The following TBC1D1 variants were observed in gnomAD, a reference collection of about 807,000 sequenced individuals.
The protein encoded by TBC1D1 is TBC1 (tre-2/USP6, BUB2, cdc16) domain family, member 1.
A neutral mutation model predicts 125.6 loss-of-function variants in TBC1D1; 89 were observed. The ratio of observed to expected loss-of-function variants is 0.71; its 90% CI spans 0.60 to 0.85. TBC1D1 has a LOEUF of 0.85. Among genes scored for constraint, TBC1D1 ranks in the 40% least tolerant of loss-of-function variants. The pLI is 0.00. For synonymous variants in TBC1D1, 565 were observed against 564.1 expected (o/e 1.00, Z -0.02); for missense variants, 1,377 against 1,469.2 (o/e 0.94, Z 1.03).
At chr4:38,012,240 T>C (rs1051651796) in intron 2 of TBC1D1, among the ~76,000 whole-genome samples, 1 of 152,192 alleles carries the variant, frequency 6.6e-6, no homozygotes, top group African/African-American at 2.4e-5. Context: ...ACCAGGAAAA[T>C]CTTATAAACT....
At chr4:38,090,421 T>A (rs572568055) in intron 13 of TBC1D1, among the ~76,000 whole-genome samples, 41 of 151,234 alleles carry the variant, frequency 2.7e-4, no homozygotes, top group Non-Finnish European at 5.6e-4. Flanking sequence ...TTTCATTTTG[T>A]TTTGTTTTCC....
At chr4:38,088,157 A>T (rs950807486) in intron 12 of TBC1D1, among the ~76,000 whole-genome samples, 11 of 151,302 alleles carry the variant, frequency 7.3e-5, no homozygotes, top group African/African-American at 1.2e-4. Context: ...GTAAAAGAAT[A>T]AAAAAAAAGA....
rs114002007 is a variant in TBC1D1, at chr4:38,000,117, A to G, written c.418-14392A>G. Among the ~76,000 whole-genome samples the G allele has an allele frequency of 4.3e-3, 657 of 152,202 alleles. 9 individuals carry two copies. Among genetic ancestry groups the G allele is most frequent in the African/African-American group, 0.015 (619 of 41,522 alleles). ...GTCTGGCGAGGCTTTCTCATTTTCA[A>G]GTGGATTTGTTTGCATTGGATGGTG... On this transcript the variant is annotated intron_variant, in intron 2 of 19. Transcript: ENST00000261439.
intron 2 of TBC1D1, among the ~76,000 whole-genome samples, chr4:37,991,187 C>T (rs1168076829): frequency 6.6e-6 from 1 of 152,186 alleles, no homozygotes; most frequent in Non-Finnish European, 1.5e-5. Context: ...TGTAGTAAAT[C>T]CCACTTTACA....
At chr4:37,917,937 A>T (rs1248318241) in intron 2 of TBC1D1, among the ~76,000 whole-genome samples, 1 of 152,208 alleles carries the variant, frequency 6.6e-6, no homozygotes, top group Non-Finnish European at 1.5e-5. Context: ...CTCAAAAAAA[A>T]TAGACGAAGC....
chr4:37,968,578 C>T (rs948424931), intron 2 of TBC1D1, among the ~76,000 whole-genome samples: 4 of 152,226 alleles, frequency 2.6e-5, no homozygotes, highest in African/African-American at 9.6e-5. Flanking sequence ...TTATAAGGTA[C>T]TCCTCAATAA....
chr4:37,959,064 GGTTAA>G (rs1413070134), intron 2 of TBC1D1, among the ~76,000 whole-genome samples: 2 of 152,148 alleles, frequency 1.3e-5, no homozygotes, highest in Non-Finnish European at 1.5e-5. Flanking sequence ...AGCTGTGTCA[GGTTAA>G]GAGCAAGACT....
At position 38,049,736 on chromosome 4, in the gene TBC1D1, C is replaced by G. The variant is rs760844116; in HGVS notation, c.1748C>G (p.Pro583Arg). ...AGTCATCTCCCAGAAGAGCCAGCTCCGCTGTCGCCCCAGCAGGCCTTCAGG... is the reference window on the plus strand; with the variant it reads ...AGTCATCTCCCAGAAGAGCCAGCTCGGCTGTCGCCCCAGCAGGCCTTCAGG... The change falls in exon 11 of 20, where the codon CCG (proline) becomes CGG (arginine). Residue 583 changes from proline (P) to arginine (R), a missense_variant. Pro to Arg is a moderately radical substitution (Grantham distance 103). Around this residue, in one of 3 missense-constraint regions of TBC1D1, gnomAD observed 822 missense variants for 824.6 expected, o/e 1.00. Coordinates refer to ENST00000261439, the MANE Select transcript of TBC1D1 (RefSeq NM_015173.4). The G allele has an allele frequency of 2.5e-6, 4 of 1,614,026 alleles. No individual in the cohort carries two copies. Among genetic ancestry groups the G allele is most frequent in the African/African-American group, 2.7e-5 (2 of 74,914 alleles).
At chr4:37,950,834 C>A (rs1381641055) in intron 2 of TBC1D1, among the ~76,000 whole-genome samples, 1 of 151,242 alleles carries the variant, frequency 6.6e-6, no homozygotes, top group South Asian at 2.1e-4. Flanking sequence ...TCTCGACTCA[C>A]TGAAACCCCC....
intron 8 of TBC1D1, among the ~76,000 whole-genome samples, chr4:38,037,763 G>T: frequency 6.6e-6 from 1 of 152,186 alleles, no homozygotes; most frequent in Non-Finnish European, 1.5e-5. Context: ...TGTCAGGGTC[G>T]GCAGGGAGGC....
At chr4:38,057,102 C>T (rs768833749) in intron 12 of TBC1D1, among the ~76,000 whole-genome samples, 1 of 152,194 alleles carries the variant, frequency 6.6e-6, no homozygotes, top group Non-Finnish European at 1.5e-5. Context: ...GCTCCTCTCC[C>T]TCCTGTGCCC....
At chr4:38,013,098 T>G (rs1248932811) in intron 2 of TBC1D1, among the ~76,000 whole-genome samples, 1 of 152,144 alleles carries the variant, frequency 6.6e-6, no homozygotes, top group African/African-American at 2.4e-5. Flanking sequence ...TGGCTGAAAT[T>G]TTGGCTTTTA....
chr4:38,036,893 GTC>G (rs996735765), intron 8 of TBC1D1, among the ~76,000 whole-genome samples: 1 of 152,126 alleles, frequency 6.6e-6, no homozygotes, highest in African/African-American at 2.4e-5. Context: ...CAAGTTCTGT[GTC>G]TCTCCTGTTC....
chr4:38,014,504 C>T lies in TBC1D1; in HGVS notation c.418-5C>T, dbSNP rs1239088011. 8 of 1,611,042 alleles carry T rather than the reference C, an allele frequency of 5.0e-6. No homozygotes were observed. The highest frequency in any genetic ancestry group is 6.8e-6 in the Non-Finnish European group (8 of 1,178,326). Reference sequence around the variant, plus strand: ...TCCAAATAACACGCCTCTCTCTCTCCTCAGGTGCCTGAGATCATCAGCTCC... The same window carrying T: ...TCCAAATAACACGCCTCTCTCTCTCTTCAGGTGCCTGAGATCATCAGCTCC... On this transcript the variant is annotated splice_region_variant and splice_polypyrimidine_tract_variant and intron_variant, in intron 2 of 19. Coordinates refer to ENST00000261439, the MANE Select transcript of TBC1D1 (RefSeq NM_015173.4). This position sits in a 1 kb window ranked among gnomAD's most constrained non-coding sequence, Gnocchi z 5.1.
At chr4:37,964,927 G>A (rs1235788222) in intron 2 of TBC1D1, among the ~76,000 whole-genome samples, 1 of 152,248 alleles carries the variant, frequency 6.6e-6, no homozygotes, top group Non-Finnish European at 1.5e-5. Context: ...CATGGTGTCT[G>A]TCTAGAGAAC....
At chr4:38,048,310 G>A (rs1314841696) in intron 10 of TBC1D1, among the ~76,000 whole-genome samples, 1 of 152,128 alleles carries the variant, frequency 6.6e-6, no homozygotes, top group Non-Finnish European at 1.5e-5. Context: ...GATTTGGAGG[G>A]ATATTAGTAA....
At position 38,090,087 on chromosome 4, in the gene TBC1D1, A is replaced by C; in HGVS notation, c.2206A>C (p.Arg736=). 3 of 1,614,128 alleles carry C rather than the reference A, an allele frequency of 1.9e-6. No individual in the cohort carries two copies. The highest frequency in any genetic ancestry group is 2.5e-6 in the Non-Finnish European group (3 of 1,179,986). The change falls in exon 13 of 20, where the codon AGA becomes CGA. Residue 736 remains arginine (R), a synonymous_variant. Transcript: ENST00000261439. ...TATTCTTCAACAGATACTGCTGCTT[A>C]GAATGGAGAAGGAAAATCAGAAGCT...
intron 2 of TBC1D1, among the ~76,000 whole-genome samples, chr4:38,007,556 A>G (rs764003576): frequency 6.6e-6 from 1 of 152,118 alleles, no homozygotes; most frequent in African/African-American, 2.4e-5. Context: ...CCCTGTCCCT[A>G]TCTGCTTTTA....
intron 12 of TBC1D1, among the ~76,000 whole-genome samples, chr4:38,055,246 C>T (rs775580286): frequency 2.0e-5 from 3 of 152,168 alleles, no homozygotes; most frequent in Non-Finnish European, 4.4e-5. Context: ...AAAGGGCCCT[C>T]TCCTGCCGTC....
Sources: gnomAD v4.1 joint callset for allele counts (sites outside exome capture counted in the v4.1 genomes callset) on GRCh38, gnomAD v4.1.1 for gene constraint, gnomAD v4.1.1 regional missense constraint, Gnocchi (gnomAD v3.1) non-coding constraint, MANE v1.5 for transcripts, NCBI Gene and HGNC (gene_info 2026-07-23, HGNC 2026-07-21) for gene names.